Variants in PDE7A observed in about 807,000 individuals in gnomAD.
PDE7A encodes phosphodiesterase 7A.
PDE7A carries 39 observed loss-of-function variants against 64.3 expected under a neutral mutation model. That is an observed-to-expected ratio of 0.61 (90% CI 0.47 to 0.79). The LOEUF (loss-of-function observed/expected upper bound fraction) is 0.79, where lower values mean the gene tolerates loss of function less well. Ranked by LOEUF, PDE7A falls within the 30% of genes least tolerant of loss-of-function variation. The probability of loss-of-function intolerance (pLI) is 0.00; values close to 1 mark genes in which losing one functional copy is unlikely to be tolerated. For synonymous variants in PDE7A, 203 were observed against 206.8 expected (o/e 0.98, Z 0.16); for missense variants, 470 against 582.8 (o/e 0.81, Z 1.99).
At chr8:65,831,045 T>C (rs1447424321) in intron 1 of PDE7A, among the ~76,000 whole-genome samples, 1 of 152,176 alleles carries the variant, frequency 6.6e-6, no homozygotes, top group Non-Finnish European at 1.5e-5. Flanking sequence ...AAATTGTGAT[T>C]TGAACAACAC....
chr8:65,728,639 ATAAAGCATACTGCATATAAAGCAATCTC>A (rs145973076), intron 7 of PDE7A: 16,942 of 152,250 alleles, frequency 0.11, 1,170 homozygotes, highest in Middle Eastern at 0.17. Flanking sequence ...TGCATAGGAT[ATAAAGCATACTGCATATAAAGCAATCTC>A]CCCTCCTTGA....
Position 65,770,190 on chromosome 8 carries a change from T to G in PDE7A, c.283+9530A>C, listed in dbSNP as rs148502141. Among the ~76,000 whole-genome samples, 928 of 151,790 alleles carry G rather than the reference T, an allele frequency of 6.1e-3. 11 individuals carry two copies. The highest frequency in any genetic ancestry group is 0.02 in the African/African-American group (822 of 41,336). On this transcript the variant is annotated intron_variant, in intron 3 of 12. Coordinates refer to ENST00000401827, the MANE Select transcript of PDE7A (RefSeq NM_001242318.3). ...CACACCTAATTCTTTTTTCTGAACA[T>G]TTGAGGGTAGGTTATAAGCACTCTA...
chr8:65,762,734 GATTT>G (rs1168995012), intron 3 of PDE7A, among the ~76,000 whole-genome samples: 1 of 151,970 alleles, frequency 6.6e-6, no homozygotes, highest in Admixed American at 6.6e-5. Context: ...AACAAAACCA[GATTT>G]ATTTTTCATG....
chr8:65,762,617 C>T (rs1039759391), intron 3 of PDE7A, among the ~76,000 whole-genome samples: 1 of 152,098 alleles, frequency 6.6e-6, no homozygotes, highest in African/African-American at 2.4e-5. Context: ...ATAATATATG[C>T]AGTATGTCTT....
chr8:65,762,547 C>G (rs1808553259), intron 3 of PDE7A, among the ~76,000 whole-genome samples: 1 of 152,154 alleles, frequency 6.6e-6, no homozygotes, highest in African/African-American at 2.4e-5. Flanking sequence ...GTTAAGGTCT[C>G]TAATCCTCAG....
In PDE7A at chr8:65,716,673, C is replaced by G. The variant is rs932468311; in HGVS notation, c.*2617G>C. 6.6e-6 allele frequency among the ~76,000 whole-genome samples: 1 copy of G among 152,156 alleles called. No individual in the cohort carries two copies. The highest frequency in any genetic ancestry group is 1.5e-5 in the Non-Finnish European group (1 of 68,024). On this transcript the variant is annotated 3_prime_UTR_variant, in exon 13 of 13. Coordinates refer to ENST00000401827, the MANE Select transcript of PDE7A (RefSeq NM_001242318.3). ...GAATAATTGATAGTTACATTTCTCA[C>G]TGTAAATTAAAATATTGATAGTGTT...
chr8:65,793,484 T>TAAAAAAAAAA (rs11339152), intron 1 of PDE7A, among the ~76,000 whole-genome samples: 1 of 137,826 alleles, frequency 7.3e-6, no homozygotes. Flanking sequence ...TAAAGTTTCC[T>TAAAAAAAAAA]AAAAAAAAAA....
intron 7 of PDE7A, among the ~76,000 whole-genome samples, chr8:65,730,168 C>CTTTTTTTTTTTTTTT (rs1563473710): frequency 6.3e-5 from 2 of 31,668 alleles, no homozygotes; most frequent in Non-Finnish European, 5.8e-5. Flanking sequence ...AGGTTGCGCA[C>CTTTTTTTTTTTTTTT]TTCTTTTTTT....
At position 65,798,179 on chromosome 8, in the gene PDE7A, CATAT is replaced by C. The variant is rs1218978698; in HGVS notation, c.139-15340_139-15337del. On this transcript the variant is annotated intron_variant, in intron 1 of 12. Coordinates refer to ENST00000401827, the MANE Select transcript of PDE7A (RefSeq NM_001242318.3). ...AAATATATACATGTGTGTGTGTGTG[CATAT>C]ATATATATATATATATATATATATT... Among the ~76,000 whole-genome samples, 154 of 118,896 alleles carry C rather than the reference CATAT, an allele frequency of 1.3e-3. 7 individuals carry two copies. The highest frequency in any genetic ancestry group is 2.5e-3 in the African/African-American group (68 of 27,290). 78.0% of individuals were successfully genotyped at this position (118,896 alleles called of 152,430 possible). A position where few individuals can be genotyped will look rare whatever the true frequency, so the allele number is the denominator to read the frequency against.
intron 1 of PDE7A, among the ~76,000 whole-genome samples, chr8:65,803,094 T>C (rs919341588): frequency 6.6e-6 from 1 of 152,244 alleles, no homozygotes; most frequent in Non-Finnish European, 1.5e-5. Flanking sequence ...TGCTGAACCG[T>C]GAGCCAAGTA....
chr8:65,798,206 A>ATATATATATT, intron 1 of PDE7A, among the ~76,000 whole-genome samples: 1 of 73,804 alleles, frequency 1.4e-5, no homozygotes, highest in Non-Finnish European at 2.5e-5. Flanking sequence ...ATATATATAT[A>ATATATATATT]TTTTTTTTTT....
At position 65,779,823 on chromosome 8, in the gene PDE7A, A is replaced by C. The variant is rs1809362811; in HGVS notation, c.200-20T>G. On this transcript the variant is annotated intron_variant, in intron 2 of 12. Transcript: ENST00000401827. ...CATCTCCTGGACAGAATCAAGAATA[A>C]AACATAAGTTTAGAAGGTTGTCATT... 1.3e-6 allele frequency: 2 copies of C among 1,495,910 alleles called. No individual in the cohort carries two copies. The highest frequency in any genetic ancestry group is 4.7e-5 in the East Asian group (2 of 42,996). The allele number at this position is 1,495,910 out of a possible 1,614,324, so 92.7% of individuals were successfully genotyped here.
chr8:65,732,984 C>G (rs1806962458), intron 7 of PDE7A, among the ~76,000 whole-genome samples: 1 of 152,140 alleles, frequency 6.6e-6, no homozygotes, highest in African/African-American at 2.4e-5. Flanking sequence ...TGCAGAACTA[C>G]AGGCATGAGT....
At chr8:65,727,474 TCTC>T in intron 7 of PDE7A, 173 bp from the exon 8 acceptor site, 1 of 793,354 alleles carries the variant, frequency 1.3e-6, no homozygotes, top group Non-Finnish European at 1.9e-6. Flanking sequence ...CAGGTCCTGA[TCTC>T]ATCACCACAC....
At chr8:65,792,021 A>AT (rs2128926199) in intron 1 of PDE7A, among the ~76,000 whole-genome samples, 1 of 152,312 alleles carries the variant, frequency 6.6e-6, no homozygotes, top group African/African-American at 2.4e-5. Flanking sequence ...TTTACCATAA[A>AT]TATTATGCTT....
chr8:65,805,328 T>C (rs971177847), intron 1 of PDE7A, among the ~76,000 whole-genome samples: 3 of 152,252 alleles, frequency 2.0e-5, no homozygotes, highest in Non-Finnish European at 4.4e-5. Context: ...TTTAAAATTA[T>C]GACTCATGTT....
intron 1 of PDE7A, among the ~76,000 whole-genome samples, chr8:65,836,079 G>A (rs556893850): frequency 6.6e-6 from 1 of 152,136 alleles, no homozygotes; most frequent in Non-Finnish European, 1.5e-5. Flanking sequence ...CAACAAAACA[G>A]GTGTTTTGAG....
chr8:65,823,218 C>T (rs541050646), intron 1 of PDE7A, among the ~76,000 whole-genome samples: 2 of 152,068 alleles, frequency 1.3e-5, no homozygotes, highest in South Asian at 2.1e-4. Flanking sequence ...TGAGCTGAGG[C>T]CAACCACCAA....
chr8:65,789,375 G>C (rs1237217630), intron 1 of PDE7A, among the ~76,000 whole-genome samples: 1 of 152,118 alleles, frequency 6.6e-6, no homozygotes, highest in Non-Finnish European at 1.5e-5. Context: ...TTTTCACATA[G>C]AACTGTTTCA....
Sources: gnomAD v4.1 joint callset for allele counts (sites outside exome capture counted in the v4.1 genomes callset) on GRCh38, gnomAD v4.1.1 for gene constraint, MANE v1.5 for transcripts, NCBI Gene and HGNC (gene_info 2026-07-23, HGNC 2026-07-21) for gene names.